USP31: variants seen among roughly 807,000 people sequenced by gnomAD.
USP31 encodes the protein ubiquitin specific peptidase 31.
A neutral mutation model predicts 119.4 loss-of-function variants in USP31; 44 were observed. The ratio of observed to expected loss-of-function variants is 0.37; its 90% CI spans 0.29 to 0.47. The LOEUF (loss-of-function observed/expected upper bound fraction) is 0.47, where lower values mean the gene tolerates loss of function less well. Among genes scored for constraint, USP31 ranks in the 20% least tolerant of loss-of-function variants. The probability of loss-of-function intolerance (pLI) is 0.99; values close to 1 mark genes in which losing one functional copy is unlikely to be tolerated. For synonymous variants in USP31, 749 were observed against 705.6 expected (o/e 1.06, Z -0.97); for missense variants, 1,643 against 1,730.2 (o/e 0.95, Z 0.89).
intron 1 of USP31, among the ~76,000 whole-genome samples, chr16:23,140,054 T>G (rs770329696): frequency 2.6e-5 from 4 of 152,186 alleles, no homozygotes; most frequent in Non-Finnish European, 4.4e-5. Context: ...GTATTTATTT[T>G]CTCCTCCATT....
chr16:23,087,050 T>A (rs760197231), intron 9 of USP31, 42 bp downstream of exon 9: 1 of 1,435,714 alleles, frequency 7.0e-7, no homozygotes, highest in Admixed American at 1.8e-5. Context: ...CATGAATATG[T>A]GTGAGATTCT....
chr16:23,101,651 T>C (rs1316754263), intron 6 of USP31, among the ~76,000 whole-genome samples: 4 of 152,162 alleles, frequency 2.6e-5, no homozygotes, highest in African/African-American at 7.2e-5. Flanking sequence ...GTAATACTGA[T>C]GCATTAATAA....
chr16:23,110,292 T>C (rs1902264642), intron 1 of USP31, among the ~76,000 whole-genome samples: 1 of 152,204 alleles, frequency 6.6e-6, no homozygotes, highest in Admixed American at 6.5e-5. Context: ...AGAGGCTAAT[T>C]AAGAAGAGGA....
At chr16:23,132,155 G>A (rs1033847101) in intron 1 of USP31, among the ~76,000 whole-genome samples, 15 of 152,254 alleles carry the variant, frequency 9.9e-5, no homozygotes, top group East Asian at 1.9e-4. Context: ...AAGATATCCC[G>A]ACGTGCTCCA....
In USP31 at chr16:23,146,873, T is replaced by C. The variant is rs188286328; in HGVS notation, c.633+1765A>G. Among the ~76,000 whole-genome samples the C allele has an allele frequency of 3.7e-4, 56 of 152,136 alleles. No homozygotes were observed. In the East Asian group the frequency reaches 0.011, roughly 29 times the overall value. ...GAAACCAGTACCTTTTGCCATGAAT[T>C]GAAGACAAATGGAAACCCAATAAAA... is the stretch of plus-strand genomic sequence containing the variant. On this transcript the variant is annotated intron_variant, in intron 1 of 15. Coordinates refer to ENST00000219689, the MANE Select transcript of USP31 (RefSeq NM_020718.4).
At chr16:23,145,946 A>G (rs1184823420) in intron 1 of USP31, among the ~76,000 whole-genome samples, 4 of 152,212 alleles carry the variant, frequency 2.6e-5, no homozygotes, top group Admixed American at 2.6e-4. Context: ...TTACTTTTAA[A>G]AAGCCAGGCC....
intron 1 of USP31, among the ~76,000 whole-genome samples, chr16:23,144,796 T>C (rs1034896952): frequency 4.6e-5 from 7 of 152,182 alleles, no homozygotes; most frequent in African/African-American, 1.7e-4. Context: ...CATTCAACTT[T>C]CTTTATATTC....
intron 11 of USP31, among the ~76,000 whole-genome samples, 181 bp from the exon 12 acceptor site, chr16:23,082,738 A>C (rs567380643): frequency 1.6e-4 from 25 of 151,878 alleles, no homozygotes; most frequent in Admixed American, 7.9e-4. Context: ...CTCTAAACAG[A>C]TTCTGGTTTG....
At chr16:23,126,420 GGA>G (rs1315005511) in intron 1 of USP31, among the ~76,000 whole-genome samples, 7 of 150,430 alleles carry the variant, frequency 4.7e-5, no homozygotes, top group African/African-American at 1.7e-4. Flanking sequence ...GTCAGGAGAT[GGA>G]GACCATCCTG....
Position 23,126,377 on chromosome 16 carries a change from C to G in USP31, c.634-18194G>C, listed in dbSNP as rs1037022783. Among the ~76,000 whole-genome samples, 3 of 147,452 alleles carry G rather than the reference C, an allele frequency of 2.0e-5. No homozygotes were observed. The East Asian group carries it at 6.0e-4, about 29-fold the overall frequency. On this transcript the variant is annotated intron_variant, in intron 1 of 15. Transcript: ENST00000219689. ...TAGTGGCTCACGCCTGTAATCCCAG[C>G]ACTTTGGGAGGCTGAGGCGGGTGGA... is the stretch of plus-strand genomic sequence containing the variant.
chr16:23,130,423 C>T (rs1446961625), intron 1 of USP31, among the ~76,000 whole-genome samples: 2 of 150,878 alleles, frequency 1.3e-5, no homozygotes, highest in African/African-American at 2.4e-5. Context: ...CCCCCCCCAA[C>T]TAATATTTTT....
intron 9 of USP31, 23 bp downstream of exon 9, chr16:23,087,069 A>C (rs757277776): frequency 1.5e-5 from 24 of 1,588,418 alleles, no homozygotes; most frequent in Non-Finnish European, 2.1e-5. Flanking sequence ...CTAAAAGGTA[A>C]TTTAAAAAAA....
chr16:23,123,924 G>C (rs1902763692), intron 1 of USP31, among the ~76,000 whole-genome samples: 1 of 151,924 alleles, frequency 6.6e-6, no homozygotes, highest in South Asian at 2.1e-4. Flanking sequence ...ACTTGAGCCT[G>C]GGAGATAAAG....
At chr16:23,143,589 G>GT (rs981078948) in intron 1 of USP31, among the ~76,000 whole-genome samples, 1 of 151,214 alleles carries the variant, frequency 6.6e-6, no homozygotes. Context: ...AGAGGTTGGG[G>GT]GGGGGGAGAG....
chr16:23,129,973 G>C (rs1902979181), intron 1 of USP31, among the ~76,000 whole-genome samples: 1 of 152,152 alleles, frequency 6.6e-6, no homozygotes. Flanking sequence ...AATGCTAACA[G>C]ATTTCTCTAT....
At chr16:23,112,884 C>T (rs984577252) in intron 1 of USP31, among the ~76,000 whole-genome samples, 6 of 151,906 alleles carry the variant, frequency 3.9e-5, no homozygotes, top group African/African-American at 9.7e-5. Context: ...CAAAATTAGC[C>T]GGGCACGGTG....
intron 1 of USP31, among the ~76,000 whole-genome samples, chr16:23,141,325 A>G (rs1194504740): frequency 6.6e-6 from 1 of 151,846 alleles, no homozygotes; most frequent in East Asian, 1.9e-4. Flanking sequence ...CTGCCTGGTC[A>G]CACCCATTAT....
intron 13 of USP31, among the ~76,000 whole-genome samples, chr16:23,075,068 G>A (rs756166862): frequency 1.5e-4 from 23 of 152,246 alleles, no homozygotes; most frequent in Non-Finnish European, 3.1e-4. Context: ...AAAGAGACGC[G>A]GGTGAGAAAG....
At chr16:23,132,782 C>T (rs1001308650) in intron 1 of USP31, among the ~76,000 whole-genome samples, 10 of 152,260 alleles carry the variant, frequency 6.6e-5, no homozygotes, top group East Asian at 3.9e-4. Context: ...CCAACCAAAA[C>T]GAAACTTATC....
Sources: allele counts gnomAD v4.1 joint callset (sites outside exome capture counted in the v4.1 genomes callset), GRCh38; gene constraint gnomAD v4.1.1; transcripts MANE v1.5; gene names NCBI Gene and HGNC (gene_info 2026-07-23, HGNC 2026-07-21).